TRDN: variants seen among roughly 807,000 people sequenced by gnomAD.
The protein encoded by TRDN is triadin.
Under a neutral mutation model 149.7 loss-of-function variants are expected in TRDN, and 161 were observed. The ratio of observed to expected loss-of-function variants is 1.08; its 90% CI spans 0.95 to 1.23. TRDN has a LOEUF of 1.23. TRDN is among the 50% of genes most tolerant of loss of function. The probability of loss-of-function intolerance (pLI) is 0.00; values close to 1 mark genes in which losing one functional copy is unlikely to be tolerated. For synonymous variants in TRDN, 294 were observed against 250.5 expected, an observed-to-expected ratio of 1.17 and a Z score of -1.64; for missense variants, 896 against 823.5, an observed-to-expected ratio of 1.09 and a Z score of -1.08.
At chr6:123,405,395 A>T (rs1773154168) in intron 12 of TRDN, among the ~76,000 whole-genome samples, 1 of 152,240 alleles carries the variant, frequency 6.6e-6, no homozygotes, top group Non-Finnish European at 1.5e-5. Context: ...TCATCTCAAG[A>T]TGGTCTGAAT....
chr6:123,472,229 G>A (rs558312743), intron 9 of TRDN, among the ~76,000 whole-genome samples: 5 of 152,300 alleles, frequency 3.3e-5, no homozygotes, highest in Non-Finnish European at 7.4e-5. Flanking sequence ...TGCGCGCACC[G>A]TGCGCAAGCC....
At chr6:123,620,427 T>G (rs1304535473) in intron 1 of TRDN, among the ~76,000 whole-genome samples, 2 of 152,156 alleles carry the variant, frequency 1.3e-5, no homozygotes, top group Non-Finnish European at 2.9e-5. Flanking sequence ...ATTCGGAATT[T>G]TCTCAAAGTT....
chr6:123,281,070 G>T (rs1396639963), intron 24 of TRDN, among the ~76,000 whole-genome samples: 1 of 151,982 alleles, frequency 6.6e-6, no homozygotes, highest in Non-Finnish European at 1.5e-5. Flanking sequence ...TACAGTTACT[G>T]CATAGTTTCT....
chr6:123,624,931 A>G (rs866153448), intron 1 of TRDN, among the ~76,000 whole-genome samples: 1 of 152,178 alleles, frequency 6.6e-6, no homozygotes, highest in African/African-American at 2.4e-5. Context: ...ATAGTATTAT[A>G]GCAACAGTGT....
chr6:123,621,210 T>C (rs1360802167), intron 1 of TRDN, among the ~76,000 whole-genome samples: 2 of 152,156 alleles, frequency 1.3e-5, no homozygotes, highest in Non-Finnish European at 2.9e-5. Flanking sequence ...GACAAAACTC[T>C]GAGAAGTCCT....
chr6:123,446,866 G>A lies in TRDN; in HGVS notation c.932-7863C>T, dbSNP rs1775409092. Reference sequence around the variant, plus strand: ...TGGATTTTGTGATCAAATTGAAAGGGAGAAGACTTAGGGAAAAAAATAATT... The same window carrying A: ...TGGATTTTGTGATCAAATTGAAAGGAAGAAGACTTAGGGAAAAAAATAATT... On this transcript the variant is annotated intron_variant, in intron 10 of 40. Coordinates refer to ENST00000334268, the MANE Select transcript of TRDN (RefSeq NM_006073.4). Among the ~76,000 whole-genome samples the A allele has an allele frequency of 2.0e-5, 3 of 148,800 alleles. No individual in the cohort carries two copies. In the South Asian group the frequency reaches 6.3e-4, roughly 31 times the overall value.
chr6:123,513,187 C>G (rs911124424), intron 6 of TRDN, among the ~76,000 whole-genome samples: 87 of 152,094 alleles, frequency 5.7e-4, no homozygotes, highest in Middle Eastern at 3.2e-3. Flanking sequence ...GGTACCTCCA[C>G]TACCACTTGG....
chr6:123,373,426 G>T (rs1781395263), intron 19 of TRDN, among the ~76,000 whole-genome samples: 3 of 152,092 alleles, frequency 2.0e-5, no homozygotes, highest in Admixed American at 2.0e-4. Flanking sequence ...TTGGTAAATT[G>T]CCCAGTGTGG....
intron 2 of TRDN, among the ~76,000 whole-genome samples, chr6:123,552,568 C>T (rs1276669206): frequency 1.3e-5 from 2 of 152,102 alleles, no homozygotes; most frequent in Non-Finnish European, 2.9e-5. Context: ...TCCTACCCAG[C>T]GCTGTGCCAA....
At chr6:123,472,205 C>T (rs181771289) in intron 9 of TRDN, among the ~76,000 whole-genome samples, 193 of 152,226 alleles carry the variant, frequency 1.3e-3, no homozygotes, top group African/African-American at 4.2e-3. Flanking sequence ...AGACAGTGGG[C>T]GCAGGTCAGT....
chr6:123,430,634 G>A (rs1333134986), intron 12 of TRDN, among the ~76,000 whole-genome samples: 1 of 151,968 alleles, frequency 6.6e-6, no homozygotes, highest in Admixed American at 6.6e-5. Context: ...CAAGTTCAGA[G>A]GTGATCTTGT....
At chr6:123,327,244 G>C (rs907151117) in intron 23 of TRDN, among the ~76,000 whole-genome samples, 8 of 151,786 alleles carry the variant, frequency 5.3e-5, no homozygotes, top group African/African-American at 7.3e-5. Context: ...TCCTATACCC[G>C]TACTATTTCC....
intron 5 of TRDN, among the ~76,000 whole-genome samples, chr6:123,527,037 G>A (rs1325675309): frequency 1.3e-5 from 2 of 151,788 alleles, no homozygotes; most frequent in African/African-American, 4.8e-5. Flanking sequence ...TGAAATAAAG[G>A]CAAAGAAAGA....
intron 22 of TRDN, among the ~76,000 whole-genome samples, chr6:123,333,720 T>A (rs1779753881): frequency 6.6e-6 from 1 of 152,086 alleles, no homozygotes; most frequent in Non-Finnish European, 1.5e-5. Flanking sequence ...ACTCTGCACT[T>A]CTGCATTAGG....
intron 5 of TRDN, among the ~76,000 whole-genome samples, chr6:123,524,063 C>T (rs1294026941): frequency 6.6e-6 from 1 of 152,096 alleles, no homozygotes; most frequent in African/African-American, 2.4e-5. Flanking sequence ...TTAATGGCTC[C>T]AGGCTGGAGT....
intron 1 of TRDN, among the ~76,000 whole-genome samples, chr6:123,609,433 G>A (rs1042267213): frequency 3.3e-5 from 5 of 152,028 alleles, no homozygotes; most frequent in South Asian, 2.1e-4. Flanking sequence ...TTATAATGAT[G>A]AGTGTATCTT....
chr6:123,478,404 G>A (rs935357931), intron 9 of TRDN, among the ~76,000 whole-genome samples: 6 of 152,072 alleles, frequency 3.9e-5, no homozygotes, highest in African/African-American at 1.4e-4. Context: ...TACCAACTGG[G>A]ATATTTTTTA....
At chr6:123,556,085 T>A (rs1344386607) in intron 2 of TRDN, among the ~76,000 whole-genome samples, 2 of 152,174 alleles carry the variant, frequency 1.3e-5, no homozygotes, top group African/African-American at 4.8e-5. Flanking sequence ...AATCAGATTG[T>A]AAAATAAATC....
chr6:123,467,408 T>C (rs1776890114), intron 9 of TRDN, among the ~76,000 whole-genome samples: 1 of 152,040 alleles, frequency 6.6e-6, no homozygotes, highest in African/African-American at 2.4e-5. Context: ...CAATATGCAG[T>C]TGATATCAGA....
Sources: gnomAD v4.1 joint callset for allele counts (sites outside exome capture counted in the v4.1 genomes callset) on GRCh38, gnomAD v4.1.1 for gene constraint, MANE v1.5 for transcripts, NCBI Gene and HGNC (gene_info 2026-07-23, HGNC 2026-07-21) for gene names.